HMGB1: variants seen among roughly 807,000 people sequenced by gnomAD.
HMGB1 encodes the protein high mobility group protein B1.
For synonymous variants in HMGB1, 81 were observed against 84.0 expected (o/e 0.96, Z 0.19); for missense variants, 79 against 253.5 (o/e 0.31, Z 4.67).
chr13:30,550,154 A>G (rs1869357441), intron 1 of HMGB1, among the ~76,000 whole-genome samples: 1 of 152,246 alleles, frequency 6.6e-6, no homozygotes, highest in South Asian at 2.1e-4. Context: ...CATTAAATTG[A>G]AACTCATTAC....
At chr13:30,549,841 C>T (rs559632369) in intron 1 of HMGB1, among the ~76,000 whole-genome samples, 190 of 152,098 alleles carry the variant, frequency 1.2e-3, no homozygotes, top group Non-Finnish European at 2.3e-3. Flanking sequence ...CTCAGCTTCC[C>T]GAGTACCTGG....
intron 1 of HMGB1, among the ~76,000 whole-genome samples, chr13:30,608,989 C>T (rs990253739): frequency 2.0e-5 from 3 of 152,138 alleles, no homozygotes; most frequent in East Asian, 1.9e-4. Context: ...AGGCCGGGCG[C>T]GGCGGCTCAC....
intron 1 of HMGB1, among the ~76,000 whole-genome samples, chr13:30,564,329 T>G (rs1359323872): frequency 6.7e-6 from 1 of 150,000 alleles, no homozygotes; most frequent in South Asian, 2.1e-4. Flanking sequence ...GGCTTATGCC[T>G]GCAGTCCCAG....
intron 1 of HMGB1, among the ~76,000 whole-genome samples, chr13:30,474,625 C>G (rs1162532860): frequency 1.3e-5 from 2 of 151,976 alleles, no homozygotes; most frequent in Non-Finnish European, 2.9e-5. Context: ...AGACATTGGG[C>G]AGGTATGGTG....
At chr13:30,563,242 C>T (rs975023663) in intron 1 of HMGB1, among the ~76,000 whole-genome samples, 42 of 152,244 alleles carry the variant, frequency 2.8e-4, no homozygotes, top group African/African-American at 9.6e-4. Flanking sequence ...AATCCCCACA[C>T]ATTTTATTTC....
chr13:30,520,743 G>A (rs1265659678), intron 1 of HMGB1, among the ~76,000 whole-genome samples: 6 of 152,220 alleles, frequency 3.9e-5, no homozygotes, highest in South Asian at 2.1e-4. Context: ...ACTCAGTATC[G>A]TCCTCTGTGC....
intron 1 of HMGB1, among the ~76,000 whole-genome samples, chr13:30,599,481 A>T (rs1871766267): frequency 6.6e-6 from 1 of 152,162 alleles, no homozygotes. Context: ...AAACAAAAAA[A>T]CAAAAACAAA....
At chr13:30,519,765 C>T (rs868550405) in intron 1 of HMGB1, among the ~76,000 whole-genome samples, 3 of 151,792 alleles carry the variant, frequency 2.0e-5, no homozygotes, top group Non-Finnish European at 4.4e-5. Context: ...CAGTTCCTGC[C>T]ACCCTCAAGA....
At position 30,607,565 on chromosome 13, in the gene HMGB1, T is replaced by C. The variant is rs147747461; in HGVS notation, c.-15+9106A>G. ...AATTAAACCTCTTTTCTTTGTAAAT[T>C]ACCCAGTCTCAGGTAGTTCTTTACA... is the stretch of plus-strand genomic sequence containing the variant. On this transcript the variant is annotated intron_variant, in intron 1 of 4. Coordinates refer to the HMGB1 transcript ENST00000405805. Among the ~76,000 whole-genome samples the C allele has an allele frequency of 9.2e-3, 1,402 of 151,926 alleles. 26 individuals are homozygous for C. The highest frequency in any genetic ancestry group is 0.032 in the African/African-American group (1,324 of 41,198).
At chr13:30,521,452 G>A (rs778865129) in intron 1 of HMGB1, among the ~76,000 whole-genome samples, 10 of 152,098 alleles carry the variant, frequency 6.6e-5, no homozygotes, top group Admixed American at 1.3e-4. Context: ...TGGATATTTT[G>A]TATAAGTGGA....
intron 1 of HMGB1, among the ~76,000 whole-genome samples, chr13:30,474,935 C>CTT (rs1195259479): frequency 4.4e-5 from 4 of 91,230 alleles, no homozygotes; most frequent in African/African-American, 1.2e-4. Flanking sequence ...CTCTCTTTCT[C>CTT]TTTTTTTTTT....
At chr13:30,484,822 GAA>G (rs1429631313) in intron 1 of HMGB1, among the ~76,000 whole-genome samples, 1 of 151,700 alleles carries the variant, frequency 6.6e-6, no homozygotes, top group African/African-American at 2.4e-5. Context: ...GAAGGGAAGA[GAA>G]GAGAAGAGAA....
chr13:30,566,237 C>T lies in HMGB1; in HGVS notation c.-15+50434G>A, dbSNP rs145021821. ...GGTGAAACTAGAACTTAAGGGGACA[C>T]GCTCAAGTTCTCATTATACAGTACT... On this transcript the variant is annotated intron_variant, in intron 1 of 4. Coordinates refer to the HMGB1 transcript ENST00000405805. Among the ~76,000 whole-genome samples the T allele has an allele frequency of 5.5e-3, 838 of 152,280 alleles. 4 individuals carry two copies. Among genetic ancestry groups the T allele is most frequent in the Non-Finnish European group, 8.8e-3 (597 of 68,022 alleles).
At chr13:30,607,905 T>G (rs930307234) in intron 1 of HMGB1, among the ~76,000 whole-genome samples, 1 of 152,236 alleles carries the variant, frequency 6.6e-6, no homozygotes, top group Non-Finnish European at 1.5e-5. Flanking sequence ...CTGTGAGGTA[T>G]ACAGTGAAAT....
intron 1 of HMGB1, among the ~76,000 whole-genome samples, chr13:30,549,480 T>C (rs974491001): frequency 3.3e-5 from 5 of 152,164 alleles, no homozygotes; most frequent in African/African-American, 1.2e-4. Context: ...GCTCTTGGGC[T>C]CAAGTGGTCC....
chr13:30,490,374 C>T (rs1219838465), intron 1 of HMGB1, among the ~76,000 whole-genome samples: 1 of 151,974 alleles, frequency 6.6e-6, no homozygotes, highest in Non-Finnish European at 1.5e-5. Context: ...AATCCCAGCA[C>T]TTTGGGAGGC....
chr13:30,541,035 A>C (rs897848441), intron 1 of HMGB1: 1 of 152,142 alleles, frequency 6.6e-6, no homozygotes, highest in Non-Finnish European at 1.5e-5. Context: ...CAAACACATA[A>C]ATGGATCAAA....
chr13:30,513,314 A>G (rs1385524868), intron 1 of HMGB1, among the ~76,000 whole-genome samples: 2 of 152,144 alleles, frequency 1.3e-5, no homozygotes, highest in East Asian at 1.9e-4. Context: ...GGTCTCTTCA[A>G]TTTTTCCCTC....
chr13:30,532,612 G>T (rs1888521650), intron 1 of HMGB1, among the ~76,000 whole-genome samples: 1 of 152,044 alleles, frequency 6.6e-6, no homozygotes, highest in Non-Finnish European at 1.5e-5. Context: ...AGATTCAAGT[G>T]ATTCTCCTGC....
Sources: allele counts gnomAD v4.1 joint callset (sites outside exome capture counted in the v4.1 genomes callset), GRCh38; gene constraint gnomAD v4.1.1; transcripts MANE v1.5; gene names NCBI Gene and HGNC (gene_info 2026-07-23, HGNC 2026-07-21).